Variants in SHC4 observed in about 807,000 individuals in gnomAD.
SHC4 encodes SHC-transforming protein 4.
Under a neutral mutation model 69.4 loss-of-function variants are expected in SHC4, and 41 were observed. The ratio of observed to expected loss-of-function variants is 0.59; its 90% CI spans 0.46 to 0.77. The LOEUF (loss-of-function observed/expected upper bound fraction) is 0.77. Ranked by LOEUF, SHC4 falls within the 30% of genes least tolerant of loss-of-function variation. SHC4 has a pLI of 0.00. For missense variants in SHC4, 777 were observed against 783.8 expected, an observed-to-expected ratio of 0.99 and a Z score of 0.10; for synonymous variants, 318 against 299.3, an observed-to-expected ratio of 1.06 and a Z score of -0.64.
At chr15:48,839,292 C>T (rs1377647356) in intron 10 of SHC4, among the ~76,000 whole-genome samples, 4 of 152,330 alleles carry the variant, frequency 2.6e-5, no homozygotes, top group African/African-American at 9.6e-5. Context: ...CCAAAGAAAT[C>T]ACAATCCCTT....
intron 2 of SHC4, among the ~76,000 whole-genome samples, chr15:48,900,091 G>A (rs779585247): frequency 6.6e-6 from 1 of 152,152 alleles, no homozygotes; most frequent in East Asian, 1.9e-4. Flanking sequence ...CTGTCTATAC[G>A]TTTGATGATA....
chr15:48,885,404 T>C (rs977694148), intron 3 of SHC4, among the ~76,000 whole-genome samples: 1 of 152,182 alleles, frequency 6.6e-6, no homozygotes, highest in African/African-American at 2.4e-5. Context: ...TTTAGCATAG[T>C]ATTTGGCTGG....
chr15:48,875,621 G>A (rs1057486357), intron 4 of SHC4, among the ~76,000 whole-genome samples: 2 of 152,204 alleles, frequency 1.3e-5, no homozygotes, highest in African/African-American at 2.4e-5. Flanking sequence ...ATGTGAATGA[G>A]GATATGCTAT....
intron 10 of SHC4, among the ~76,000 whole-genome samples, chr15:48,842,348 T>C (rs1252852426): frequency 1.3e-5 from 2 of 152,212 alleles, no homozygotes; most frequent in East Asian, 1.9e-4. Context: ...CTGTGACTCA[T>C]GCAAATAAAC....
Position 48,963,801 on chromosome 15 carries a change from G to T in SHC4, c.-786C>A, listed in dbSNP as rs954430326. ...ATTCCTCTCGGAGCTTTTTTCAGAA[G>T]CCCATTTGCAGCCGAAAGCTGAGAT... On this transcript the variant is annotated 5_prime_UTR_variant, in exon 1 of 12. Coordinates refer to ENST00000332408, the MANE Select transcript of SHC4 (RefSeq NM_203349.4). 6.6e-6 allele frequency among the ~76,000 whole-genome samples: 1 copy of T among 152,186 alleles called. No homozygotes were observed. Among genetic ancestry groups the T allele is most frequent in the African/African-American group, 2.4e-5 (1 of 41,440 alleles).
At chr15:48,894,752 T>C (rs1900193715) in intron 2 of SHC4, among the ~76,000 whole-genome samples, 1 of 152,116 alleles carries the variant, frequency 6.6e-6, no homozygotes, top group Non-Finnish European at 1.5e-5. Flanking sequence ...CGAGTTTCAG[T>C]GAAAGAACAG....
At position 48,896,271 on chromosome 15, in the gene SHC4, CCTCT is replaced by C. The variant is rs1192455593; in HGVS notation, c.657-5464_657-5461del. Among the ~76,000 whole-genome samples, 72 of 124,428 alleles carry C rather than the reference CCTCT, an allele frequency of 5.8e-4. 1 individual carries two copies. The highest frequency in any genetic ancestry group is 1.3e-3 in the African/African-American group (44 of 33,760). The allele number at this position is 124,428 out of a possible 152,430, so 81.6% of individuals were successfully genotyped here. On this transcript the variant is annotated intron_variant, in intron 2 of 11. Coordinates refer to ENST00000332408, the MANE Select transcript of SHC4 (RefSeq NM_203349.4). The stretch of plus-strand genomic sequence containing the variant: ...CTTTCTCTCTCTCTCCCTCCCTCTC[CCTCT>C]CTCTCTCTCTCTCTCCCTCCCTCTC...
At chr15:48,884,439 A>T in intron 3 of SHC4, 72 bp from the exon 4 acceptor site, 1 of 1,324,046 alleles carries the variant, frequency 7.6e-7, no homozygotes, top group Non-Finnish European at 1.0e-6. Context: ...AATGTTTTTT[A>T]AATGTTAAAA....
chr15:48,833,289 G>A (rs78317346), intron 11 of SHC4, among the ~76,000 whole-genome samples: 6,266 of 152,158 alleles, frequency 0.041, 272 homozygotes, highest in East Asian at 0.21. Context: ...ACAGAGGTTT[G>A]CCAGTTTTTC....
At chr15:48,959,632 C>A (rs944032162) in intron 1 of SHC4, among the ~76,000 whole-genome samples, 1 of 152,174 alleles carries the variant, frequency 6.6e-6, no homozygotes, top group Admixed American at 6.5e-5. Flanking sequence ...TCTCTCAGTT[C>A]TCTCCTATGA....
At chr15:48,900,264 T>C (rs1162031468) in intron 2 of SHC4, among the ~76,000 whole-genome samples, 1 of 152,048 alleles carries the variant, frequency 6.6e-6, no homozygotes, top group African/African-American at 2.4e-5. Context: ...TCCCAGCACT[T>C]TGGAAGGGCT....
intron 9 of SHC4, among the ~76,000 whole-genome samples, chr15:48,850,728 G>A (rs1054018175): frequency 4.6e-5 from 7 of 152,158 alleles, no homozygotes; most frequent in African/African-American, 1.7e-4. Context: ...AGTATGGGGT[G>A]GACAAGCTCC....
chr15:48,887,755 T>C (rs555235452), intron 3 of SHC4, among the ~76,000 whole-genome samples: 1 of 152,304 alleles, frequency 6.6e-6, no homozygotes, highest in South Asian at 2.1e-4. Flanking sequence ...AACCTTTAGC[T>C]AGATGAACTA....
chr15:48,958,585 T>G (rs2141043195), intron 1 of SHC4, among the ~76,000 whole-genome samples: 1 of 152,320 alleles, frequency 6.6e-6, no homozygotes, highest in African/African-American at 2.4e-5. Context: ...AACTAACATT[T>G]TCAACACCTC....
intron 10 of SHC4, among the ~76,000 whole-genome samples, chr15:48,836,478 A>G (rs1298683113): frequency 6.6e-6 from 1 of 152,164 alleles, no homozygotes; most frequent in African/African-American, 2.4e-5. Flanking sequence ...CCAGGTTCTT[A>G]TGTCTGAAAC....
chr15:48,922,434 C>T (rs7169672), intron 2 of SHC4, among the ~76,000 whole-genome samples: 95,033 of 152,030 alleles, frequency 0.63, 30,118 homozygotes, highest in East Asian at 0.71. Flanking sequence ...ATTTCTTAGA[C>T]TTCTTGAGGC....
intron 1 of SHC4, among the ~76,000 whole-genome samples, chr15:48,931,114 C>T (rs1295960026): frequency 2.0e-5 from 3 of 152,194 alleles, no homozygotes; most frequent in African/African-American, 7.2e-5. Flanking sequence ...TCCAATTCCT[C>T]ATCTTCTCTG....
intron 6 of SHC4, among the ~76,000 whole-genome samples, chr15:48,862,908 C>T (rs1899473540): frequency 1.3e-5 from 2 of 151,926 alleles, no homozygotes; most frequent in African/African-American, 4.8e-5. Flanking sequence ...CCCTGACATC[C>T]TTAGCCCTCT....
intron 7 of SHC4, 139 bp from the exon 8 acceptor site, chr15:48,856,263 G>T: frequency 1.3e-6 from 1 of 780,312 alleles, no homozygotes; most frequent in Non-Finnish European, 2.0e-6. Context: ...CTTAAGTGAT[G>T]TTAAACATTT....
Sources: gnomAD v4.1 joint callset for allele counts (sites outside exome capture counted in the v4.1 genomes callset) on GRCh38, gnomAD v4.1.1 for gene constraint, MANE v1.5 for transcripts, NCBI Gene and HGNC (gene_info 2026-07-23, HGNC 2026-07-21) for gene names.